Variants in TRIM49B observed in about 807,000 individuals in gnomAD.
TRIM49B encodes putative tripartite motif-containing protein 49B.
TRIM49B carries 18 observed loss-of-function variants against 31.8 expected under a neutral mutation model. The ratio of observed to expected loss-of-function variants is 0.57; its 90% CI spans 0.39 to 0.84. The LOEUF is 0.84. Ranked by LOEUF, TRIM49B falls within the 40% of genes least tolerant of loss-of-function variation. The pLI is 0.00. For synonymous variants in TRIM49B, 196 were observed against 180.6 expected, an observed-to-expected ratio of 1.09 and a Z score of -0.68; for missense variants, 494 against 538.7, an observed-to-expected ratio of 0.92 and a Z score of 0.82.
chr11:49,037,913 A>G lies in TRIM49B; in HGVS notation c.1295A>G (p.Tyr432Cys), dbSNP rs552791602. Residue 432 changes from tyrosine to cysteine, a missense_variant, in exon 7 of 7, where the codon TAC becomes TGC. By Grantham distance (194) the Tyr-to-Cys change is radical. This residue lies in a region of TRIM49B where 233 missense variants were observed against 281.4 expected (regional missense o/e 0.83). Coordinates refer to ENST00000332682, the MANE Select transcript of TRIM49B (RefSeq NM_001206626.2). The part of the protein sequence containing the change: ...FVDVNQSSLI[Y>C]TIPNCSFSPP... ...GATGTTAATCAAAGCTCCCTAATAT[A>G]CACCATCCCTAATTGCTCTTTCTCA... The G allele has an allele frequency of 3.7e-6, 6 of 1,613,544 alleles. No individual in the cohort carries two copies. The East Asian group carries it at 1.3e-4, about 36-fold the overall frequency.
chr11:49,032,914 A>G (rs1390278989), intron 3 of TRIM49B, among the ~76,000 whole-genome samples: 1 of 152,216 alleles, frequency 6.6e-6, no homozygotes, highest in African/African-American at 2.4e-5. Context: ...GTGGTGAGAA[A>G]TACGGATTTG....
rs537181240 is a variant in TRIM49B, at chr11:49,033,727, G to T, written c.508-419G>T. On this transcript the variant is annotated intron_variant, in intron 3 of 6. Coordinates refer to ENST00000332682, the MANE Select transcript of TRIM49B (RefSeq NM_001206626.2). The stretch of plus-strand genomic sequence containing the variant: ...TTTGCTGGGTGAAATGCACTTAGCT[G>T]GACATGCTAGTCTAAGGTCATTTTA... 1.9e-3 allele frequency among the ~76,000 whole-genome samples: 292 copies of T among 152,256 alleles called. 1 individual carries two copies. Among genetic ancestry groups the T allele is most frequent in the Non-Finnish European group, 3.7e-3 (252 of 68,004 alleles).
chr11:49,033,974 G>A (rs1196973740), intron 3 of TRIM49B, among the ~76,000 whole-genome samples, 172 bp from the exon 4 acceptor site: 2 of 152,090 alleles, frequency 1.3e-5, no homozygotes, highest in Non-Finnish European at 2.9e-5. Context: ...GTCAGATACA[G>A]CTATGTTGAT....
In TRIM49B at chr11:49,034,197, C is replaced by G. The variant is rs1854490150; in HGVS notation, c.559C>G (p.Pro187Ala). Residue 187 changes from proline to alanine, a missense_variant, in exon 4 of 7, where the codon CCT becomes GCT. Physicochemically the swap from Pro to Ala is conservative, Grantham distance 27. Around this residue, in one of 3 missense-constraint regions of TRIM49B, gnomAD observed 251 missense variants for 232.8 expected, o/e 1.08. Coordinates refer to ENST00000332682, the MANE Select transcript of TRIM49B (RefSeq NM_001206626.2). ...AATTAGAGCTGAGTATCAGAAGATG[C>G]CTGCATTTCACCATGAAGAAGAAAA... Reference protein sequence around the residue: ...EAIRAEYQKMPAFHHEEEKHN... With the variant: ...EAIRAEYQKMAAFHHEEEKHN... The G allele has an allele frequency of 6.8e-6, 11 of 1,611,714 alleles. No homozygotes were observed. Among genetic ancestry groups the G allele is most frequent in the East Asian group, 2.2e-5 (1 of 44,862 alleles).
At chr11:49,030,269 G>A (rs191510694) in intron 1 of TRIM49B, among the ~76,000 whole-genome samples, 2 of 152,002 alleles carry the variant, frequency 1.3e-5, no homozygotes, top group South Asian at 2.1e-4. Context: ...ACCTGGAGGC[G>A]CAGGTTACAG....
intron 5 of TRIM49B, 128 bp from the exon 6 acceptor site, chr11:49,036,173 A>G: frequency 2.0e-5 from 31 of 1,512,810 alleles, no homozygotes; most frequent in Non-Finnish European, 2.8e-5. Flanking sequence ...TGCAAAAGGA[A>G]GGAATAATTT....
chr11:49,034,021 G>C, intron 3 of TRIM49B, 125 bp from the exon 4 acceptor site: 1 of 1,529,830 alleles, frequency 6.5e-7, no homozygotes, highest in Non-Finnish European at 9.0e-7. Context: ...AAAATTTGTA[G>C]ATTCTAAGAA....
At position 49,038,093 on chromosome 11, in the gene TRIM49B, G is replaced by T. The variant is rs1172222630; in HGVS notation, c.*116G>T. 1.3e-5 allele frequency: 20 copies of T among 1,544,388 alleles called. No individual in the cohort carries two copies. Among genetic ancestry groups the T allele is most frequent in the South Asian group, 1.1e-4 (9 of 78,726 alleles). ...TAGGCTCTATTTTATATCTTGAATT[G>T]CCTTCTAATGTTATCAAAACTCATT... On this transcript the variant is annotated 3_prime_UTR_variant, in exon 7 of 7. Coordinates refer to ENST00000332682, the MANE Select transcript of TRIM49B (RefSeq NM_001206626.2).
chr11:49,030,769 G>T (rs1854433765), intron 1 of TRIM49B, among the ~76,000 whole-genome samples: 1 of 152,096 alleles, frequency 6.6e-6, no homozygotes, highest in Non-Finnish European at 1.5e-5. Context: ...AATCCAGTCA[G>T]ACTGATACCT....
At chr11:49,029,038 T>C (rs1159410143) in intron 1 of TRIM49B, 63 bp downstream of exon 1, 1 of 146,316 alleles carries the variant, frequency 6.8e-6, no homozygotes, top group African/African-American at 2.6e-5. Flanking sequence ...AATTAGAGTG[T>C]TAAAAATATC....
chr11:49,036,027 C>T (rs1854524967), intron 5 of TRIM49B, among the ~76,000 whole-genome samples: 1 of 151,018 alleles, frequency 6.6e-6, no homozygotes, highest in South Asian at 2.1e-4. Context: ...CTCAGAATTT[C>T]GTTTCTAAAT....
rs1854455098 is a variant in TRIM49B, at chr11:49,031,937, T to C, written c.338T>C (p.Leu113Ser). ...GAAGTGGACAGGAGCCTGCTCTGTT[T>C]GCTGTGCTCCAGCTCTCAGGAGCAC... The part of the protein sequence containing the change: ...FCEVDRSLLC[L>S]LCSSSQEHRD... The change falls in exon 2 of 7, where the codon TTG (leucine) becomes TCG (serine). Residue 113 changes from leucine (L) to serine (S), a missense_variant. Transcript: ENST00000332682. 6.2e-7 allele frequency: 1 copy of C among 1,612,078 alleles called. No homozygotes were observed. The highest frequency in any genetic ancestry group is 8.5e-7 in the Non-Finnish European group (1 of 1,179,868).
intron 3 of TRIM49B, among the ~76,000 whole-genome samples, chr11:49,033,887 A>G (rs1304180754): frequency 1.3e-5 from 2 of 152,232 alleles, no homozygotes; most frequent in Non-Finnish European, 2.9e-5. Context: ...GGGTTGGAAT[A>G]GCGAAATTCA....
intron 5 of TRIM49B, among the ~76,000 whole-genome samples, chr11:49,035,339 ATTTTTTTTTTTTTTTTTTTTTT>A (rs1162056301): frequency 0.016 from 932 of 56,826 alleles, 36 homozygotes; most frequent in African/African-American, 0.064. Flanking sequence ...TTGATTCCTG[ATTTTTTTTTTTTTTTTTTTTTT>A]TTTTTTTTTT....
chr11:49,031,364 A>G (rs947688572), intron 1 of TRIM49B, among the ~76,000 whole-genome samples: 1 of 152,222 alleles, frequency 6.6e-6, no homozygotes, highest in African/African-American at 2.4e-5. Flanking sequence ...TATGCTACAG[A>G]CAGGAACTAG....
intron 1 of TRIM49B, 51 bp from the exon 2 acceptor site, chr11:49,031,545 G>A (rs1451280903): frequency 3.1e-6 from 5 of 1,597,956 alleles, no homozygotes; most frequent in Admixed American, 3.5e-5. Context: ...ATGTTTAGAA[G>A]CTTTTCATCA....
intron 4 of TRIM49B, among the ~76,000 whole-genome samples, chr11:49,034,881 C>T (rs901061985): frequency 6.6e-6 from 1 of 152,136 alleles, no homozygotes; most frequent in Non-Finnish European, 1.5e-5. Context: ...TAGAGAATGT[C>T]TTCAAGACTC....
At chr11:49,035,215 A>G in intron 5 of TRIM49B, 98 bp downstream of exon 5, 1 of 1,573,620 alleles carries the variant, frequency 6.4e-7, no homozygotes, top group South Asian at 1.2e-5. Context: ...TGGCATAAAT[A>G]ATTAAGATAT....
intron 6 of TRIM49B, 22 bp from the exon 7 acceptor site, chr11:49,037,456 A>G (rs751085511): frequency 1.9e-6 from 3 of 1,603,504 alleles, no homozygotes; most frequent in Admixed American, 1.7e-5. Context: ...ACGTCTATGC[A>G]TGTTTTCTCT....
Sources: allele counts gnomAD v4.1 joint callset (sites outside exome capture counted in the v4.1 genomes callset), GRCh38; gene constraint gnomAD v4.1.1; regional missense constraint gnomAD v4.1.1; transcripts MANE v1.5; gene names NCBI Gene and HGNC (gene_info 2026-07-23, HGNC 2026-07-21).